Variants in SULF2 observed in about 807,000 individuals in gnomAD.
SULF2 encodes the protein sulfatase 2, also known as extracellular sulfatase Sulf-2.
In SULF2, 52 loss-of-function variants were observed where a neutral mutation model predicts 107.7. That is an observed-to-expected ratio of 0.48 (90% CI 0.39 to 0.61). SULF2 has a LOEUF of 0.61. Among genes scored for constraint, SULF2 ranks in the 20% least tolerant of loss-of-function variants. The pLI is 0.00. For missense variants in SULF2, 993 were observed against 1,177.3 expected (o/e 0.84, Z 2.29); for synonymous variants, 460 against 464.3 (o/e 0.99, Z 0.12).
intron 3 of SULF2, among the ~76,000 whole-genome samples, chr20:47,705,483 T>C (rs2088702212): frequency 6.6e-6 from 1 of 152,144 alleles, no homozygotes; most frequent in Non-Finnish European, 1.5e-5. Flanking sequence ...GGAGGCAGCA[T>C]GAGATTCCCG....
intron 5 of SULF2, among the ~76,000 whole-genome samples, chr20:47,687,177 G>C (rs2088034785): frequency 6.6e-6 from 1 of 152,208 alleles, no homozygotes; most frequent in African/African-American, 2.4e-5. Flanking sequence ...TTCAGAGGAT[G>C]ATGATTTCTG....
At chr20:47,730,651 T>C (rs2089572404) in intron 3 of SULF2, among the ~76,000 whole-genome samples, 1 of 152,176 alleles carries the variant, frequency 6.6e-6, no homozygotes, top group Non-Finnish European at 1.5e-5. Flanking sequence ...GGTTTCACTA[T>C]GTTGGCCAGG....
chr20:47,666,413 A>C lies in SULF2; in HGVS notation c.1652T>G (p.Val551Gly). 1 of 1,613,928 alleles carries C rather than the reference A, an allele frequency of 6.2e-7. No homozygotes were observed. The highest frequency in any genetic ancestry group is 1.1e-5 in the South Asian group (1 of 91,074). ...AIEVDGRVYH[V>G]GLGDAAQPRN... The stretch of plus-strand genomic sequence containing the variant: ...GGGCTGGGCGGCATCACCCAGGCCT[A>C]CGTGGTACACCCTGCCGTCCACCTC... Residue 551 changes from valine (V) to glycine (G), a missense_variant, in exon 12 of 21, where the codon GTA becomes GGA. Val to Gly is a moderately radical substitution (Grantham distance 109, BLOSUM62 -3). Transcript: ENST00000688720. This position sits in a 1 kb window ranked among gnomAD's most constrained non-coding sequence, Gnocchi z 5.4.
intron 18 of SULF2, among the ~76,000 whole-genome samples, chr20:47,661,128 AC>A (rs2087052104): frequency 6.6e-6 from 1 of 152,004 alleles, no homozygotes; most frequent in South Asian, 2.1e-4. Flanking sequence ...AGGAAGCCCC[AC>A]ACAGGGTGGC....
intron 3 of SULF2, among the ~76,000 whole-genome samples, chr20:47,730,742 C>T (rs1229837558): frequency 6.6e-6 from 1 of 152,238 alleles, no homozygotes; most frequent in African/African-American, 2.4e-5. Flanking sequence ...GCCACTGTGC[C>T]CGGCCAGCTG....
At chr20:47,743,346 G>GC (rs5841709) in intron 2 of SULF2, among the ~76,000 whole-genome samples, 128,156 of 152,066 alleles carry the variant, frequency 0.84, 54,368 homozygotes, top group East Asian at 0.97. Context: ...GTCTCACTCT[G>GC]TACCCAGGCT....
intron 2 of SULF2, among the ~76,000 whole-genome samples, chr20:47,745,382 GAAAAAA>G (rs1158560282): frequency 0.01 from 540 of 51,776 alleles, no homozygotes; most frequent in Non-Finnish European, 0.018. Flanking sequence ...AGTTTTGAGG[GAAAAAA>G]AAAAAAAAAA....
chr20:47,707,830 C>A (rs891201134), intron 3 of SULF2, among the ~76,000 whole-genome samples: 1 of 152,180 alleles, frequency 6.6e-6, no homozygotes, highest in African/African-American at 2.4e-5. Flanking sequence ...TGTTACACCC[C>A]TACAGAGCCC....
intron 1 of SULF2, among the ~76,000 whole-genome samples, chr20:47,758,963 T>C (rs1359669709): frequency 1.3e-5 from 2 of 152,162 alleles, no homozygotes; most frequent in Non-Finnish European, 2.9e-5. Context: ...TGCTGCCTGC[T>C]TCATCTCTCC....
Position 47,780,693 on chromosome 20 carries a change from A to T in SULF2, c.-101+4650T>A, listed in dbSNP as rs185725507. On this transcript the variant is annotated intron_variant, in intron 1 of 20. Transcript: ENST00000688720. Reference sequence around the variant, plus strand: ...CTCAGCCTCCTGTGTAGCTGGAATTACAGGCAAGCACCATCACACCTGGCT... The same window carrying T: ...CTCAGCCTCCTGTGTAGCTGGAATTTCAGGCAAGCACCATCACACCTGGCT... 2.1e-3 allele frequency among the ~76,000 whole-genome samples: 314 copies of T among 152,252 alleles called. 1 individual carries two copies. The highest frequency in any genetic ancestry group is 7.1e-3 in the African/African-American group (297 of 41,552).
At chr20:47,747,381 G>A (rs780582892) in intron 2 of SULF2, among the ~76,000 whole-genome samples, 2 of 152,080 alleles carry the variant, frequency 1.3e-5, no homozygotes, top group Non-Finnish European at 2.9e-5. Context: ...TTTTTTCTCC[G>A]TTGCTTTCTG....
intron 3 of SULF2, 95 bp from the exon 4 acceptor site, chr20:47,702,765 C>G: frequency 8.1e-7 from 1 of 1,228,366 alleles, no homozygotes; most frequent in Non-Finnish European, 1.1e-6. Context: ...TGCACACCTG[C>G]TCTGCCATGG....
At chr20:47,740,444 G>C (rs1446900767) in intron 2 of SULF2, among the ~76,000 whole-genome samples, 2 of 152,266 alleles carry the variant, frequency 1.3e-5, no homozygotes, top group Non-Finnish European at 2.9e-5. Flanking sequence ...GTCCTCTAGT[G>C]GTGACTTCAT....
rs531381354 is a variant in SULF2 at position 47,731,255 on chromosome 20, C to T, written c.415+5448G>A. On this transcript the variant is annotated intron_variant, in intron 3 of 20. Coordinates refer to ENST00000688720, the MANE Select transcript of SULF2 (RefSeq NM_001387048.1). Reference sequence around the variant, plus strand: ...TCACCCAGGCTAGAGTGCAGTGGTGCGATCTCGGCTCACTGCAACCTCCGC... The same window carrying T: ...TCACCCAGGCTAGAGTGCAGTGGTGTGATCTCGGCTCACTGCAACCTCCGC... 2.3e-3 allele frequency among the ~76,000 whole-genome samples: 301 copies of T among 132,362 alleles called. 2 individuals carry two copies. The highest frequency in any genetic ancestry group is 8.0e-3 in the African/African-American group (265 of 33,014). The allele number at this position is 132,362 out of a possible 152,430, so 86.8% of individuals were successfully genotyped here. A position where few individuals can be genotyped will look rare whatever the true frequency, so the allele number is the denominator to read the frequency against.
At chr20:47,760,781 G>A (rs1031138937) in intron 1 of SULF2, among the ~76,000 whole-genome samples, 3 of 152,178 alleles carry the variant, frequency 2.0e-5, no homozygotes, top group Non-Finnish European at 4.4e-5. Context: ...CGATGCAGTC[G>A]TCTGACATGA....
intron 2 of SULF2, among the ~76,000 whole-genome samples, chr20:47,747,012 TATATATAC>T (rs147245675): frequency 0.23 from 22,586 of 100,298 alleles, 2,027 homozygotes; most frequent in East Asian, 0.35. Context: ...TATATATATA[TATATATAC>T]ACACACACAC....
At chr20:47,724,208 G>T (rs1416907929) in intron 3 of SULF2, among the ~76,000 whole-genome samples, 2 of 152,244 alleles carry the variant, frequency 1.3e-5, no homozygotes, top group African/African-American at 2.4e-5. Context: ...GAAGTGATGT[G>T]GTCAGGTTTA....
chr20:47,733,977 G>A (rs963435299), intron 3 of SULF2, among the ~76,000 whole-genome samples: 1 of 152,298 alleles, frequency 6.6e-6, no homozygotes. Context: ...AACACAAATG[G>A]CTAATAACTG....
Position 47,657,643 on chromosome 20 carries a change from C to T in SULF2, c.*719G>A, listed in dbSNP as rs2086938451. The T allele has an allele frequency of 1.3e-5, 2 of 152,110 alleles. No homozygotes were observed. The highest frequency in any genetic ancestry group is 2.1e-4 in the South Asian group (1 of 4,828). The allele number at this position is 152,110 out of a possible 1,614,324, so 9.4% of individuals were successfully genotyped here. On this transcript the variant is annotated 3_prime_UTR_variant, in exon 21 of 21. Transcript: ENST00000688720. Reference sequence around the variant, plus strand: ...AGGAGAAATGGTATCTGGACAGGAACAGAAATGTCCACAACTGCGAGGGAT... The same window carrying T: ...AGGAGAAATGGTATCTGGACAGGAATAGAAATGTCCACAACTGCGAGGGAT...
Sources: gnomAD v4.1 joint callset for allele counts (sites outside exome capture counted in the v4.1 genomes callset) on GRCh38, gnomAD v4.1.1 for gene constraint, Gnocchi (gnomAD v3.1) non-coding constraint, MANE v1.5 for transcripts, NCBI Gene and HGNC (gene_info 2026-07-23, HGNC 2026-07-21) for gene names.